TCF12: variants seen among roughly 807,000 people sequenced by gnomAD.
The protein encoded by TCF12 is DNA-binding protein HTF4.
In TCF12, 45 loss-of-function variants were observed where a neutral mutation model predicts 86.0. That is an observed-to-expected ratio of 0.52 (90% CI 0.41 to 0.67). TCF12 has a LOEUF of 0.67. Among genes scored for constraint, TCF12 ranks in the 30% least tolerant of loss-of-function variants. TCF12 has a pLI of 0.00. For missense variants in TCF12, 881 were observed against 859.9 expected, an observed-to-expected ratio of 1.02 and a Z score of -0.31; for synonymous variants, 330 against 299.6, an observed-to-expected ratio of 1.10 and a Z score of -1.05.
rs146447299 is a variant in TCF12, at chr15:57,232,836, A to G, written c.950A>G (p.Asn317Ser). ...YVAASHTPPINGSDSILGTRG... is the reference protein window; with the variant it reads ...YVAASHTPPISGSDSILGTRG... ...GCTGCCTCACACACTCCTCCCATCA[A>G]TGGATCAGACAGCATTCTAGGTGAG... Residue 317 changes from asparagine to serine, a missense_variant, in exon 11 of 21, where the codon AAT (asparagine) becomes AGT (serine). Physicochemically the swap from Asn to Ser is conservative, Grantham distance 46. Around this residue, in one of 3 missense-constraint regions of TCF12, gnomAD observed 766 missense variants for 718.9 expected, o/e 1.07. Transcript: ENST00000333725. The G allele has an allele frequency of 1.8e-4, 282 of 1,604,084 alleles. No individual in the cohort carries two copies. Among genetic ancestry groups the G allele is most frequent in the Non-Finnish European group, 2.3e-4 (267 of 1,175,268 alleles).
chr15:57,086,224 A>G (rs938169009), intron 4 of TCF12, among the ~76,000 whole-genome samples: 4 of 148,556 alleles, frequency 2.7e-5, no homozygotes, highest in East Asian at 3.9e-4. Context: ...TAATAATAAT[A>G]ATAATAATAA....
At chr15:57,106,323 CG>C (rs1391780239) in intron 5 of TCF12, among the ~76,000 whole-genome samples, 1 of 31,694 alleles carries the variant, frequency 3.2e-5, no homozygotes, top group Non-Finnish European at 1.2e-4. Flanking sequence ...AGCGTGGTTA[CG>C]TAAGATGGTA....
intron 6 of TCF12, among the ~76,000 whole-genome samples, chr15:57,166,765 G>A (rs888488610): frequency 6.6e-5 from 10 of 152,142 alleles, no homozygotes; most frequent in African/African-American, 2.2e-4. Context: ...CACAGAAAAC[G>A]TAATTGGTGG....
intron 5 of TCF12, among the ~76,000 whole-genome samples, chr15:57,137,856 G>T (rs1262114662): frequency 6.6e-6 from 1 of 151,974 alleles, no homozygotes; most frequent in Non-Finnish European, 1.5e-5. Context: ...GTGAAACCCT[G>T]TCTCTACTAA....
chr15:57,051,038 AT>A (rs1441041870), intron 3 of TCF12, among the ~76,000 whole-genome samples: 1 of 152,154 alleles, frequency 6.6e-6, no homozygotes, highest in Non-Finnish European at 1.5e-5. Context: ...ACATGTAGTA[AT>A]TTTTAATTTC....
chr15:57,187,068 T>G (rs2056710141), intron 6 of TCF12, among the ~76,000 whole-genome samples: 1 of 151,652 alleles, frequency 6.6e-6, no homozygotes. Context: ...GTAATCCCAC[T>G]CCTTAGGAGG....
At chr15:57,231,001 G>T in intron 8 of TCF12, 151 bp from the exon 9 acceptor site, 8 of 512,622 alleles carry the variant, frequency 1.6e-5, no homozygotes, top group East Asian at 6.3e-5. Flanking sequence ...CATTATTTAT[G>T]TGGATTTAGG....
intron 5 of TCF12, among the ~76,000 whole-genome samples, chr15:57,136,234 C>G (rs777358374): frequency 2.6e-5 from 4 of 152,290 alleles, no homozygotes; most frequent in African/African-American, 9.6e-5. Flanking sequence ...GACATCTTTG[C>G]AAGTTTATTT....
In TCF12 at chr15:57,262,019, G is replaced by A. The variant is rs145212179; in HGVS notation, c.1468-75G>A. ...GACACTGTTTTCTCTATTAAACCTA[G>A]TAAAATAATTTGGACAGTTATTGCC... is the stretch of plus-strand genomic sequence containing the variant. On this transcript the variant is annotated intron_variant, in intron 16 of 20. Coordinates refer to ENST00000333725, the MANE Select transcript of TCF12 (RefSeq NM_207037.2). 2.4e-5 allele frequency: 23 copies of A among 951,022 alleles called. No homozygotes were observed. In the East Asian group the frequency reaches 5.8e-4, roughly 24 times the overall value. The allele number at this position is 951,022 out of a possible 1,614,324, so 58.9% of individuals were successfully genotyped here.
At chr15:57,146,903 G>T (rs2053400557) in intron 5 of TCF12, among the ~76,000 whole-genome samples, 1 of 152,182 alleles carries the variant, frequency 6.6e-6, no homozygotes, top group Admixed American at 6.5e-5. Context: ...AAATAATTCA[G>T]TTGATTTGGA....
chr15:56,981,374 G>T (rs1006446004), intron 3 of TCF12, among the ~76,000 whole-genome samples: 1 of 152,154 alleles, frequency 6.6e-6, no homozygotes, highest in South Asian at 2.1e-4. Context: ...TGGAGAGAAC[G>T]GATGTTGTGT....
chr15:57,210,248 G>A (rs534553375), intron 8 of TCF12, among the ~76,000 whole-genome samples: 41 of 151,674 alleles, frequency 2.7e-4, no homozygotes, highest in Non-Finnish European at 4.7e-4. Context: ...CAAATGATTA[G>A]CAATACAGCC....
At chr15:56,940,724 C>T (rs2060723763) in intron 3 of TCF12, among the ~76,000 whole-genome samples, 1 of 116,536 alleles carries the variant, frequency 8.6e-6, no homozygotes, top group Non-Finnish European at 1.7e-5. Flanking sequence ...CTTCCTATCC[C>T]CTTCTCTCCC....
At chr15:57,252,519 T>G in intron 15 of TCF12, 27 bp downstream of exon 15, 1 of 1,588,810 alleles carries the variant, frequency 6.3e-7, no homozygotes, top group Non-Finnish European at 8.6e-7. Flanking sequence ...ATGGTGCCTT[T>G]TTTGTGTTTC....
intron 3 of TCF12, among the ~76,000 whole-genome samples, chr15:56,946,707 G>C (rs532917955): frequency 6.6e-6 from 1 of 151,666 alleles, no homozygotes; most frequent in Admixed American, 6.6e-5. Flanking sequence ...GAGATGTAAG[G>C]CTTTTTTTCT....
rs762052133 is a variant in TCF12 at position 57,234,055 on chromosome 15, A to G, written c.983A>G (p.Asn328Ser). ...ATGAAATATCCAGGAACCAGAGGGA[A>G]TGCTGCTGGAAGCTCACAGACAGGT... ...GSDSILGTRGNAAGSSQTGDA... is the reference protein window; with the variant it reads ...GSDSILGTRGSAAGSSQTGDA... The change falls in exon 12 of 21, where the codon AAT (asparagine) becomes AGT (serine). Residue 328 changes from asparagine (N) to serine (S), a missense_variant. Asn to Ser is a conservative substitution (Grantham distance 46). Coordinates refer to ENST00000333725, the MANE Select transcript of TCF12 (RefSeq NM_207037.2). The G allele has an allele frequency of 1.2e-5, 19 of 1,613,294 alleles. No homozygotes were observed. Among genetic ancestry groups the G allele is most frequent in the Middle Eastern group, 3.3e-4 (2 of 6,078 alleles).
At chr15:57,275,069 G>T (rs2061317612) in intron 19 of TCF12, among the ~76,000 whole-genome samples, 2 of 152,186 alleles carry the variant, frequency 1.3e-5, no homozygotes, top group Admixed American at 6.5e-5. Flanking sequence ...TCTGAGAGAA[G>T]ATCTGTCATC....
At chr15:56,993,720 A>G (rs1342045352) in intron 3 of TCF12, among the ~76,000 whole-genome samples, 1 of 152,224 alleles carries the variant, frequency 6.6e-6, no homozygotes, top group African/African-American at 2.4e-5. Context: ...CCATGGCTAT[A>G]GAAGCCATGT....
intron 5 of TCF12, among the ~76,000 whole-genome samples, chr15:57,098,621 G>A (rs1235798198): frequency 6.6e-6 from 1 of 152,132 alleles, no homozygotes; most frequent in East Asian, 1.9e-4. Context: ...TCAGTGATAC[G>A]AATAAATTCT....
Sources: gnomAD v4.1 joint callset for allele counts (sites outside exome capture counted in the v4.1 genomes callset) on GRCh38, gnomAD v4.1.1 for gene constraint, gnomAD v4.1.1 regional missense constraint, MANE v1.5 for transcripts, NCBI Gene and HGNC (gene_info 2026-07-23, HGNC 2026-07-21) for gene names.